The following SORCS3 variants were observed in gnomAD, a reference collection of about 807,000 sequenced individuals.
The protein encoded by SORCS3 is sortilin related VPS10 domain containing receptor 3.
A neutral mutation model predicts 146.3 loss-of-function variants in SORCS3; 57 were observed. The ratio of observed to expected loss-of-function variants is 0.39; its 90% confidence interval spans 0.31 to 0.49. SORCS3 has a LOEUF of 0.49. Among genes scored for constraint, SORCS3 ranks in the 20% least tolerant of loss-of-function variants. The pLI is 0.92. For missense variants in SORCS3, 1,341 were observed against 1,575.5 expected (o/e 0.85, Z 2.52); for synonymous variants, 653 against 618.5 (o/e 1.06, Z -0.83).
intron 2 of SORCS3, among the ~76,000 whole-genome samples, chr10:104,881,573 A>G (rs1371276015): frequency 6.6e-6 from 1 of 152,214 alleles, no homozygotes; most frequent in Non-Finnish European, 1.5e-5. Flanking sequence ...CTTTTAATAG[A>G]GAAAAAAGTA....
At chr10:104,971,479 T>A (rs1273908137) in intron 3 of SORCS3, among the ~76,000 whole-genome samples, 1 of 152,194 alleles carries the variant, frequency 6.6e-6, no homozygotes, top group East Asian at 1.9e-4. Context: ...AACATGGATG[T>A]TGGTGGAAAC....
chr10:105,064,170 A>G (rs936981105), intron 5 of SORCS3, among the ~76,000 whole-genome samples: 5 of 152,258 alleles, frequency 3.3e-5, no homozygotes, highest in African/African-American at 1.2e-4. Flanking sequence ...GCAAGGAAAC[A>G]GGAAGAAATC....
intron 1 of SORCS3, among the ~76,000 whole-genome samples, chr10:104,655,878 G>GAAGCC (rs2015623900): frequency 6.6e-6 from 1 of 152,248 alleles, no homozygotes; most frequent in Non-Finnish European, 1.5e-5. Flanking sequence ...AAGCAGAAGC[G>GAAGCC]AATGTGTTTC....
At chr10:104,921,094 G>A (rs1019118200) in intron 3 of SORCS3, among the ~76,000 whole-genome samples, 1 of 152,176 alleles carries the variant, frequency 6.6e-6, no homozygotes, top group African/African-American at 2.4e-5. Flanking sequence ...GCTCCATTAT[G>A]GTGGGGCTAG....
chr10:105,003,340 A>G (rs755348038), intron 4 of SORCS3, among the ~76,000 whole-genome samples: 2 of 152,126 alleles, frequency 1.3e-5, no homozygotes, highest in African/African-American at 2.4e-5. Context: ...ATAGCAAAAC[A>G]TGGCAGATAA....
chr10:105,258,907 C>T (rs1161998608), intron 25 of SORCS3, among the ~76,000 whole-genome samples: 2 of 152,184 alleles, frequency 1.3e-5, no homozygotes, highest in East Asian at 3.8e-4. Flanking sequence ...TTAACCTTTA[C>T]TTTTCTGGCT....
intron 1 of SORCS3, among the ~76,000 whole-genome samples, chr10:104,821,512 T>C (rs532593675): frequency 6.6e-6 from 1 of 152,288 alleles, no homozygotes; most frequent in East Asian, 1.9e-4. Context: ...AGCAACTAAA[T>C]AGGCTAAAAA....
chr10:104,978,630 C>T (rs932002097), intron 4 of SORCS3, among the ~76,000 whole-genome samples: 5 of 152,136 alleles, frequency 3.3e-5, no homozygotes, highest in African/African-American at 4.8e-5. Flanking sequence ...CCTTTTTATT[C>T]CATCCACTTC....
At chr10:104,801,288 C>G (rs1363599840) in intron 1 of SORCS3, among the ~76,000 whole-genome samples, 1 of 152,214 alleles carries the variant, frequency 6.6e-6, no homozygotes, top group Non-Finnish European at 1.5e-5. Context: ...TATTAGTTTT[C>G]TGCTTTCTCT....
chr10:105,094,642 T>C (rs1483550898), intron 6 of SORCS3, among the ~76,000 whole-genome samples: 2 of 152,238 alleles, frequency 1.3e-5, no homozygotes, highest in Admixed American at 6.5e-5. Flanking sequence ...AGAATGTTGC[T>C]AGCACACTCT....
chr10:104,996,185 T>C (rs1403575556), intron 4 of SORCS3, among the ~76,000 whole-genome samples: 2 of 152,204 alleles, frequency 1.3e-5, no homozygotes, highest in Non-Finnish European at 2.9e-5. Flanking sequence ...CACATTTTCA[T>C]ATGAATTTGA....
At chr10:105,008,624 G>A (rs790658) in intron 4 of SORCS3, among the ~76,000 whole-genome samples, 83,457 of 152,144 alleles carry the variant, frequency 0.55, 26,124 homozygotes, top group African/African-American at 0.87. Context: ...TGAGAAGGTA[G>A]GATCAAGCTG....
At position 104,915,853 on chromosome 10, in the gene SORCS3, C is replaced by T. The variant is rs2019021612; in HGVS notation, c.716C>T (p.Thr239Ile). 5 of 1,613,928 alleles carry T rather than the reference C, an allele frequency of 3.1e-6. No individual in the cohort carries two copies. Among genetic ancestry groups the T allele is most frequent in the East Asian group, 2.2e-5 (1 of 44,878 alleles). ...SLWRSTDYGT[T>I]YEKLNDKVGL... is the part of the protein sequence containing the mutation. ...TGCAGGTCGACAGATTATGGCACCA[C>T]CTATGAAAAGCTGAATGACAAAGTG... Residue 239 changes from threonine to isoleucine, a missense_variant, in exon 3 of 27, where the codon ACC becomes ATC. Thr to Ile is a moderately conservative substitution (Grantham distance 89, BLOSUM62 -1). Transcript: ENST00000369701.
intron 1 of SORCS3, among the ~76,000 whole-genome samples, chr10:104,832,125 G>A (rs575485568): frequency 4.6e-5 from 7 of 152,134 alleles, no homozygotes; most frequent in East Asian, 1.9e-4. Flanking sequence ...AATTCAAACC[G>A]TCATTTCTGA....
At chr10:104,977,852 C>T (rs2054910048) in intron 4 of SORCS3, among the ~76,000 whole-genome samples, 2 of 151,394 alleles carry the variant, frequency 1.3e-5, no homozygotes, top group South Asian at 4.2e-4. Flanking sequence ...CTGCCTCAGC[C>T]TCCTGAGTGG....
chr10:104,786,275 AG>A (rs1025123676), intron 1 of SORCS3, among the ~76,000 whole-genome samples: 2 of 151,298 alleles, frequency 1.3e-5, no homozygotes, highest in African/African-American at 4.9e-5. Flanking sequence ...AAAAAAAAAA[AG>A]TGTAGTGGCT....
At chr10:104,688,968 C>T (rs765723278) in intron 1 of SORCS3, among the ~76,000 whole-genome samples, 31 of 152,170 alleles carry the variant, frequency 2.0e-4, no homozygotes, top group Admixed American at 7.2e-4. Flanking sequence ...AATGTGCCAC[C>T]CAGAAGTGCC....
intron 13 of SORCS3, among the ~76,000 whole-genome samples, chr10:105,175,090 C>A (rs1295249406): frequency 6.6e-6 from 1 of 152,288 alleles, no homozygotes; most frequent in South Asian, 2.1e-4. Flanking sequence ...TCTTGTTGCC[C>A]AGGCTGGAGT....
intron 1 of SORCS3, among the ~76,000 whole-genome samples, chr10:104,750,175 G>A (rs1468695867): frequency 6.6e-6 from 1 of 152,044 alleles, no homozygotes. Context: ...TTATAGAAGG[G>A]GCTACTAAGA....
Sources: allele counts gnomAD v4.1 joint callset (sites outside exome capture counted in the v4.1 genomes callset), GRCh38; gene constraint gnomAD v4.1.1; transcripts MANE v1.5; gene names NCBI Gene and HGNC (gene_info 2026-07-23, HGNC 2026-07-21).